AGAP1: variants seen among roughly 807,000 people sequenced by gnomAD.
AGAP1 encodes the protein ArfGAP with GTPase domain, ankyrin repeat and PH domain 1, also known as arf-GAP with GTPase, ANK repeat and PH domain-containing protein 1.
AGAP1 carries 29 observed loss-of-function variants against 105.3 expected under a neutral mutation model. The ratio of observed to expected loss-of-function variants is 0.28; its 90% CI spans 0.21 to 0.38. The LOEUF (loss-of-function observed/expected upper bound fraction) is 0.38, where lower values mean the gene tolerates loss of function less well. Among genes scored for constraint, AGAP1 ranks in the 10% least tolerant of loss-of-function variants. The pLI, the probability that AGAP1 is intolerant of heterozygous loss-of-function variation, is 1.00. For missense variants in AGAP1, 998 were observed against 1,165.1 expected (o/e 0.86, Z 2.09); for synonymous variants, 509 against 485.9 (o/e 1.05, Z -0.63).
chr2:235,613,229 C>G (rs186806837), intron 1 of AGAP1, among the ~76,000 whole-genome samples: 1 of 152,222 alleles, frequency 6.6e-6, no homozygotes, highest in East Asian at 1.9e-4. Flanking sequence ...CTCCTGGCCT[C>G]AAGTCATCTG....
chr2:235,643,229 C>T (rs1383795171), intron 1 of AGAP1, among the ~76,000 whole-genome samples: 1 of 151,608 alleles, frequency 6.6e-6, no homozygotes, highest in Non-Finnish European at 1.5e-5. Flanking sequence ...TCAGGAGTTC[C>T]AGACCAGCCT....
intron 17 of AGAP1, among the ~76,000 whole-genome samples, chr2:236,122,530 A>G (rs1344864555): frequency 6.6e-6 from 1 of 151,902 alleles, no homozygotes; most frequent in African/African-American, 2.4e-5. Context: ...AAGTGAATTC[A>G]CTCTTTTTCA....
chr2:235,646,807 G>A (rs1047802288), intron 1 of AGAP1, among the ~76,000 whole-genome samples: 45 of 152,206 alleles, frequency 3.0e-4, no homozygotes, highest in Non-Finnish European at 5.9e-4. Flanking sequence ...GTGTGGAGGG[G>A]CCGGGCTCCA....
rs915042558 is a variant in AGAP1, at chr2:235,982,246, T to G, written c.1645+13623T>G. Among the ~76,000 whole-genome samples, 1 of 152,058 alleles carries G rather than the reference T, an allele frequency of 6.6e-6. No individual in the cohort carries two copies. The highest frequency in any genetic ancestry group is 2.4e-5 in the African/African-American group (1 of 41,384). On this transcript the variant is annotated intron_variant, in intron 13 of 17. Coordinates refer to ENST00000304032, the MANE Select transcript of AGAP1 (RefSeq NM_001037131.3). The surrounding 1 kb of genome is among the most constrained non-coding windows in gnomAD (Gnocchi z 4.9). The stretch of plus-strand genomic sequence containing the variant: ...CTCACATTTAAAGAGAATCAAAGAG[T>G]CAGTAAACATGCAGAAACACTTTTA...
At chr2:235,514,162 GCACA>G (rs35684926) in intron 1 of AGAP1, among the ~76,000 whole-genome samples, 29,779 of 150,382 alleles carry the variant, frequency 0.2, 3,100 homozygotes, top group Middle Eastern at 0.41. Context: ...GTGCGCGCGC[GCACA>G]CACACACACA....
At chr2:235,861,936 A>G (rs2048942355) in intron 9 of AGAP1, among the ~76,000 whole-genome samples, 1 of 152,240 alleles carries the variant, frequency 6.6e-6, no homozygotes, top group Admixed American at 6.5e-5. Context: ...TTTGGGAGGA[A>G]GAGAACCATT....
At position 236,055,603 on chromosome 2, in the gene AGAP1, A is replaced by G. The variant is rs1026580490; in HGVS notation, c.2114+6322A>G. 4.3e-4 allele frequency among the ~76,000 whole-genome samples: 66 copies of G among 152,236 alleles called. No individual in the cohort carries two copies. The highest frequency in any genetic ancestry group is 2.0e-4 in the Admixed American group (3 of 15,288). ...AGCCGCAGAGCGGGTCCACCCTCCC[A>G]GTTTCCCCGTCCAGGCAGGGACTGT... On this transcript the variant is annotated intron_variant, in intron 16 of 17. Coordinates refer to ENST00000304032, the MANE Select transcript of AGAP1 (RefSeq NM_001037131.3). The surrounding 1 kb of genome is among the most constrained non-coding windows in gnomAD (Gnocchi z 6.2).
intron 9 of AGAP1, among the ~76,000 whole-genome samples, chr2:235,868,380 C>T (rs76031318): frequency 6.6e-6 from 1 of 152,110 alleles, no homozygotes; most frequent in African/African-American, 2.4e-5. Flanking sequence ...GATGCATGCA[C>T]GGCCCCCGGT....
intron 16 of AGAP1, among the ~76,000 whole-genome samples, chr2:236,091,496 C>T (rs1293234439): frequency 6.6e-6 from 1 of 152,162 alleles, no homozygotes; most frequent in Non-Finnish European, 1.5e-5. Context: ...CTAGGCCGGG[C>T]GCGGTGGCTC....
At chr2:235,781,663 C>T (rs193119234) in intron 6 of AGAP1, among the ~76,000 whole-genome samples, 2 of 152,242 alleles carry the variant, frequency 1.3e-5, no homozygotes, top group African/African-American at 2.4e-5. Context: ...TAGAAGCCTT[C>T]GTAAGCCAAA....
chr2:236,036,501 C>T lies in AGAP1; in HGVS notation c.1646-60C>T. The T allele has an allele frequency of 6.3e-7, 1 of 1,586,938 alleles. No homozygotes were observed. The highest frequency in any genetic ancestry group is 2.2e-5 in the East Asian group (1 of 44,816). On this transcript the variant is annotated intron_variant, in intron 13 of 17. Transcript: ENST00000304032. This position sits in a 1 kb window ranked among gnomAD's most constrained non-coding sequence, Gnocchi z 5.7. ...CAGAGGCGCTTCTGTGACAGAGGGC[C>T]CGCAGGGGGACTGCTGTCTCATAAA... is the stretch of plus-strand genomic sequence containing the variant.
chr2:235,914,071 AT>A (rs1350188757), intron 11 of AGAP1, among the ~76,000 whole-genome samples: 1 of 151,818 alleles, frequency 6.6e-6, no homozygotes, highest in Non-Finnish European at 1.5e-5. Flanking sequence ...GGCGGGGTCT[AT>A]TATGTCATCT....
intron 11 of AGAP1, among the ~76,000 whole-genome samples, chr2:235,924,366 C>T (rs1054074453): frequency 6.6e-6 from 1 of 152,110 alleles, no homozygotes; most frequent in Non-Finnish European, 1.5e-5. Context: ...TGCGTTTGGG[C>T]CACATGTGGA....
At chr2:235,564,221 C>T (rs1944265659) in intron 1 of AGAP1, among the ~76,000 whole-genome samples, 1 of 152,204 alleles carries the variant, frequency 6.6e-6, no homozygotes. Flanking sequence ...CCAGGGGTGA[C>T]AGCCAGGATG....
At chr2:235,894,200 C>T (rs113773378) in intron 10 of AGAP1, among the ~76,000 whole-genome samples, 149 of 152,278 alleles carry the variant, frequency 9.8e-4, no homozygotes, top group Non-Finnish European at 1.4e-3. Flanking sequence ...CAATATGAAC[C>T]GCAACGGGTA....
rs1013152885 is a variant in AGAP1 at position 236,027,351 on chromosome 2, G to A, written c.1646-9210G>A. Reference sequence around the variant, plus strand: ...GTTGGTGTAGAGTGGCCTTAATTAGGCTCTGTGCTCAGATGTTAATCCTTC... The same window carrying A: ...GTTGGTGTAGAGTGGCCTTAATTAGACTCTGTGCTCAGATGTTAATCCTTC... On this transcript the variant is annotated intron_variant, in intron 13 of 17. Coordinates refer to ENST00000304032, the MANE Select transcript of AGAP1 (RefSeq NM_001037131.3). The surrounding 1 kb of genome is among the most constrained non-coding windows in gnomAD (Gnocchi z 4.4). Among the ~76,000 whole-genome samples the A allele has an allele frequency of 3.3e-5, 5 of 152,116 alleles. No homozygotes were observed. The highest frequency in any genetic ancestry group is 1.2e-4 in the African/African-American group (5 of 41,412).
chr2:236,115,664 T>G (rs1037392912), intron 16 of AGAP1, among the ~76,000 whole-genome samples: 11 of 152,188 alleles, frequency 7.2e-5, no homozygotes, highest in Non-Finnish European at 1.6e-4. Context: ...TAGTGAAATT[T>G]CAGCTGCTAA....
Position 235,549,825 on chromosome 2 carries a change from G to A in AGAP1, c.163+54976G>A, listed in dbSNP as rs1176025671. On this transcript the variant is annotated intron_variant, in intron 1 of 17. Coordinates refer to ENST00000304032, the MANE Select transcript of AGAP1 (RefSeq NM_001037131.3). The surrounding 1 kb of genome is among the most constrained non-coding windows in gnomAD (Gnocchi z 4.2). ...GACAACATCCTAGTTGCATCTCACC[G>A]CGGCCTAACATCCCCGGGAGCATGG... is the stretch of plus-strand genomic sequence containing the variant. Among the ~76,000 whole-genome samples, 2 of 152,090 alleles carry A rather than the reference G, an allele frequency of 1.3e-5. No individual in the cohort carries two copies. Among genetic ancestry groups the A allele is most frequent in the African/African-American group, 2.4e-5 (1 of 41,416 alleles).
intron 6 of AGAP1, among the ~76,000 whole-genome samples, chr2:235,760,437 G>T (rs1954343913): frequency 6.6e-6 from 1 of 152,194 alleles, no homozygotes; most frequent in Non-Finnish European, 1.5e-5. Flanking sequence ...TCGTTATGAA[G>T]CTACACCAGA....
Sources: gnomAD v4.1 joint callset for allele counts (sites outside exome capture counted in the v4.1 genomes callset) on GRCh38, gnomAD v4.1.1 for gene constraint, Gnocchi (gnomAD v3.1) non-coding constraint, MANE v1.5 for transcripts, NCBI Gene and HGNC (gene_info 2026-07-23, HGNC 2026-07-21) for gene names.